The following COG3 variants were observed in gnomAD, a reference collection of about 807,000 sequenced individuals.
The protein encoded by COG3 is conserved oligomeric Golgi complex subunit 3.
Under a neutral mutation model 114.1 loss-of-function variants are expected in COG3, and 32 were observed. The ratio of observed to expected loss-of-function variants is 0.28; its 90% CI spans 0.21 to 0.38. The LOEUF (loss-of-function observed/expected upper bound fraction) is 0.38. Among genes scored for constraint, COG3 ranks in the 10% least tolerant of loss-of-function variants. The pLI, the probability that COG3 is intolerant of heterozygous loss-of-function variation, is 1.00. For synonymous variants in COG3, 352 were observed against 365.7 expected, an observed-to-expected ratio of 0.96 and a Z score of 0.43; for missense variants, 813 against 973.2, an observed-to-expected ratio of 0.84 and a Z score of 2.19.
chr13:45,476,157 A>G (rs781743553), intron 1 of COG3, 44 bp from the exon 2 acceptor site: 25 of 1,598,912 alleles, frequency 1.6e-5, no homozygotes, highest in Middle Eastern at 3.3e-4. Context: ...AGTTCAGAGA[A>G]TTTTCAAGTC....
At chr13:45,481,506 A>G (rs1481987155) in intron 5 of COG3, among the ~76,000 whole-genome samples, 8 of 152,154 alleles carry the variant, frequency 5.3e-5, no homozygotes, top group Non-Finnish European at 1.5e-5. Context: ...TGTGTTTCTT[A>G]AATTGTATTC....
chr13:45,482,723 C>T (rs1340747526), intron 6 of COG3, among the ~76,000 whole-genome samples: 1 of 152,174 alleles, frequency 6.6e-6, no homozygotes, highest in African/African-American at 2.4e-5. Context: ...GCAATAGCCC[C>T]TGGAATGGAA....
chr13:45,491,260 T>G lies in COG3; in HGVS notation c.969-152T>G, dbSNP rs1887002435. 5.8e-6 allele frequency: 4 copies of G among 690,470 alleles called. 1 individual carries two copies. Among genetic ancestry groups the G allele is most frequent in the Non-Finnish European group, 9.4e-6 (4 of 425,708 alleles). 42.8% of individuals were successfully genotyped at this position (690,470 alleles called of 1,614,324 possible). ...CATTATGGTTTGCTTTTGTTTTGTG[T>G]CTGTATTTCTAGTATTAAATAGTTA... On this transcript the variant is annotated intron_variant, in intron 9 of 22. Coordinates refer to ENST00000349995, the MANE Select transcript of COG3 (RefSeq NM_031431.4).
At position 45,535,652 on chromosome 13, in the gene COG3, C is replaced by G. The variant is rs1422570478; in HGVS notation, c.*921C>G. Reference sequence around the variant, plus strand: ...CACTTTCATGTCCTGTCTATTCATTCAGCTGGCTGTGCTGTGCTGTGGACC... The same window carrying G: ...CACTTTCATGTCCTGTCTATTCATTGAGCTGGCTGTGCTGTGCTGTGGACC... On this transcript the variant is annotated 3_prime_UTR_variant, in exon 23 of 23. Transcript: ENST00000349995. The G allele has an allele frequency of 2.5e-5, 25 of 985,556 alleles. No homozygotes were observed. Among genetic ancestry groups the G allele is most frequent in the South Asian group, 4.7e-5 (1 of 21,296 alleles). The allele number at this position is 985,556 out of a possible 1,614,324, so 61.1% of individuals were successfully genotyped here. A position where few individuals can be genotyped will look rare whatever the true frequency, so the allele number is the denominator to read the frequency against.
intron 20 of COG3, among the ~76,000 whole-genome samples, chr13:45,525,934 AAAATTGGC>A (rs1872639469): frequency 1.3e-5 from 2 of 151,880 alleles, no homozygotes; most frequent in African/African-American, 2.4e-5. Flanking sequence ...GCATCCATGA[AAAATTGGC>A]ATGCACAGTC....
chr13:45,493,319 A>G (rs770234879), intron 11 of COG3, 28 bp from the exon 12 acceptor site: 1 of 1,580,184 alleles, frequency 6.3e-7, no homozygotes, highest in Non-Finnish European at 8.6e-7. Context: ...AACTACTACT[A>G]ATAGACATTT....
intron 14 of COG3, among the ~76,000 whole-genome samples, chr13:45,504,330 G>C (rs1312019957): frequency 5.9e-5 from 9 of 152,190 alleles, no homozygotes; most frequent in Admixed American, 5.9e-4. Flanking sequence ...CCCACAGAGG[G>C]CTGAAATTTC....
At chr13:45,473,763 T>G (rs1885673177) in intron 1 of COG3, among the ~76,000 whole-genome samples, 1 of 152,236 alleles carries the variant, frequency 6.6e-6, no homozygotes, top group Admixed American at 6.5e-5. Flanking sequence ...CAGCTCATGT[T>G]GCTCATTAGA....
chr13:45,507,041 G>T (rs1264706810), intron 14 of COG3, among the ~76,000 whole-genome samples: 1 of 152,220 alleles, frequency 6.6e-6, no homozygotes, highest in African/African-American at 2.4e-5. Context: ...GGCCTGCTCT[G>T]CTCCTCAGGA....
intron 13 of COG3, among the ~76,000 whole-genome samples, chr13:45,497,784 T>TCAACAACAACAACAA (rs1242517110): frequency 0.072 from 10,635 of 147,130 alleles, 438 homozygotes; most frequent in Non-Finnish European, 0.075. Flanking sequence ...AGACCCTGTC[T>TCAACAACAACAACAA]CAACAACAAC....
At chr13:45,528,092 A>G (rs1228670702) in intron 20 of COG3, among the ~76,000 whole-genome samples, 1 of 152,210 alleles carries the variant, frequency 6.6e-6, no homozygotes, top group Non-Finnish European at 1.5e-5. Flanking sequence ...CTTGAGAACA[A>G]AAGCATTCCT....
chr13:45,532,696 A>C (rs1384235600), intron 22 of COG3, among the ~76,000 whole-genome samples: 1 of 150,868 alleles, frequency 6.6e-6, no homozygotes, highest in Admixed American at 6.6e-5. Flanking sequence ...CAGCCTCCCA[A>C]GTAGCTGGGA....
chr13:45,506,163 G>A, intron 14 of COG3, among the ~76,000 whole-genome samples: 1 of 152,176 alleles, frequency 6.6e-6, no homozygotes, highest in East Asian at 1.9e-4. Flanking sequence ...TAGAGAGAAA[G>A]ACTGATTTAG....
At chr13:45,529,998 G>A in intron 21 of COG3, 80 bp downstream of exon 21, 5 of 1,469,188 alleles carry the variant, frequency 3.4e-6, no homozygotes, top group Admixed American at 2.2e-5. Flanking sequence ...TCCTTTTGCT[G>A]TAGACATTTA....
intron 14 of COG3, among the ~76,000 whole-genome samples, chr13:45,509,130 C>T (rs1323653387): frequency 1.3e-5 from 2 of 151,810 alleles, no homozygotes; most frequent in African/African-American, 4.8e-5. Context: ...ACCTCCGGCT[C>T]CCAGGTTCAA....
intron 16 of COG3, among the ~76,000 whole-genome samples, chr13:45,515,511 A>T (rs1248627815): frequency 6.6e-6 from 1 of 152,122 alleles, no homozygotes; most frequent in Non-Finnish European, 1.5e-5. Flanking sequence ...GTATTTGAGG[A>T]TTGGGTCAGA....
At chr13:45,507,728 G>A (rs1454319609) in intron 14 of COG3, among the ~76,000 whole-genome samples, 2 of 145,582 alleles carry the variant, frequency 1.4e-5, no homozygotes, top group Non-Finnish European at 3.0e-5. Context: ...TTGTGCCACT[G>A]TACTCCAGCC....
intron 15 of COG3, among the ~76,000 whole-genome samples, chr13:45,510,891 C>G (rs899739746): frequency 1.3e-5 from 2 of 152,212 alleles, no homozygotes; most frequent in Admixed American, 6.5e-5. Context: ...GGTGGCAGCT[C>G]TAATCTCTCC....
intron 1 of COG3, among the ~76,000 whole-genome samples, chr13:45,473,328 C>A (rs1885643847): frequency 1.3e-5 from 2 of 152,130 alleles, no homozygotes; most frequent in African/African-American, 4.8e-5. Flanking sequence ...TAGTTATAAT[C>A]TTGTGGATTA....
Sources: gnomAD v4.1 joint callset for allele counts (sites outside exome capture counted in the v4.1 genomes callset) on GRCh38, gnomAD v4.1.1 for gene constraint, MANE v1.5 for transcripts, NCBI Gene and HGNC (gene_info 2026-07-23, HGNC 2026-07-21) for gene names.